SYT12: variants seen among roughly 807,000 people sequenced by gnomAD.
The protein encoded by SYT12 is synaptotagmin 12.
A neutral mutation model predicts 39.5 loss-of-function variants in SYT12; 27 were observed. The ratio of observed to expected loss-of-function variants is 0.68; its 90% CI spans 0.50 to 0.94. The LOEUF (loss-of-function observed/expected upper bound fraction) is 0.94, where lower values mean the gene tolerates loss of function less well. SYT12 is among the 40% of genes least tolerant of loss of function. The pLI, the probability that SYT12 is intolerant of heterozygous loss-of-function variation, is 0.00. For missense variants in SYT12, 536 were observed against 572.6 expected (o/e 0.94, Z 0.65); for synonymous variants, 233 against 239.7 (o/e 0.97, Z 0.26).
Position 67,023,706 on chromosome 11 carries a change from C to A in SYT12, c.-24+246C>A, listed in dbSNP as rs970852555. Among the ~76,000 whole-genome samples the A allele has an allele frequency of 3.3e-5, 5 of 152,350 alleles. No homozygotes were observed. The South Asian group carries it at 1.0e-3, about 32-fold the overall frequency. On this transcript the variant is annotated intron_variant, in intron 1 of 7. Transcript: ENST00000527043. ...CGCACGCCCCGCATGTGCACACACG[C>A]GGCTCACCCGGCCATTTACACGCCT...
At chr11:67,021,993 A>T, upstream of SYT12, 1 of 146,906 alleles carries the variant, frequency 6.8e-6, no homozygotes, top group Non-Finnish European at 1.5e-5. Context: ...ATCTCACTGC[A>T]AGCTCCGCCT....
In SYT12 at chr11:67,039,825, G is replaced by C; in HGVS notation, c.243G>C (p.Trp81Cys). ...AEAREKRVPA[W>C]NAQRASTRGP... is the part of the protein sequence containing the mutation. ...CTCACCCCTAGAGAGTGCCTGCCTGGAATGCCCAGCGGGCCAGCACGCGGG... is the reference window on the plus strand; with the variant it reads ...CTCACCCCTAGAGAGTGCCTGCCTGCAATGCCCAGCGGGCCAGCACGCGGG... Residue 81 changes from tryptophan (W) to cysteine (C), a missense_variant, in exon 4 of 8, where the codon TGG becomes TGC. Physicochemically the swap from Trp to Cys is radical, Grantham distance 215. Coordinates refer to ENST00000527043, the MANE Select transcript of SYT12 (RefSeq NM_177963.4). The C allele has an allele frequency of 6.2e-7, 1 of 1,610,838 alleles. No individual in the cohort carries two copies. Among genetic ancestry groups the C allele is most frequent in the Non-Finnish European group, 8.5e-7 (1 of 1,179,410 alleles).
At chr11:67,019,555 C>T (rs375310190), upstream of SYT12, among the ~76,000 whole-genome samples, 5 of 152,018 alleles carry the variant, frequency 3.3e-5, no homozygotes, top group East Asian at 7.7e-4. Context: ...ATTCAATTAT[C>T]TCCCACTGGG....
chr11:67,040,635 C>A (rs907340961), intron 4 of SYT12, among the ~76,000 whole-genome samples: 4 of 150,138 alleles, frequency 2.7e-5, no homozygotes, highest in African/African-American at 7.4e-5. Context: ...GTCAGGAGAT[C>A]GAGACCATCC....
intron 1 of SYT12, chr11:67,028,730 G>A (rs1950215386): frequency 6.6e-6 from 1 of 152,228 alleles, no homozygotes; most frequent in South Asian, 2.1e-4. Flanking sequence ...AATGGTGTTT[G>A]CATTTTTTTG....
At position 67,048,595 on chromosome 11, in the gene SYT12, C is replaced by G. The variant is rs762974825; in HGVS notation, c.1104C>G (p.Leu368=). 6 of 1,601,412 alleles carry G rather than the reference C, an allele frequency of 3.7e-6. No homozygotes were observed. The Admixed American group carries it at 1.0e-4, about 27-fold the overall frequency. ...TGCCTCTTCCTCAGGACCTGTCTCT[C>G]CGCGTGACGGTGGCTGAGAGCAGCA... The part of the protein sequence containing the change: ...VPAIVLQDLS[L]RVTVAESSSD... The change falls in exon 8 of 8, where the codon CTC becomes CTG. Residue 368 remains leucine (L), a synonymous_variant. Coordinates refer to ENST00000527043, the MANE Select transcript of SYT12 (RefSeq NM_177963.4).
chr11:67,011,016 A>G (rs1264392714), intron 3 of SYT12: 1 of 152,168 alleles, frequency 6.6e-6, no homozygotes, highest in Admixed American at 6.5e-5. Context: ...TCTTTATCAC[A>G]CTATATTCAG....
chr11:67,048,664 G>T lies in SYT12; in HGVS notation c.1173G>T (p.Pro391=). ...GDNVGHVIIG[P]SASGMGTTHW... is the part of the protein sequence containing the mutation. ...ACGTGGGCCATGTCATCATTGGGCC[G>T]TCAGCCAGTGGCATGGGAACCACAC... Residue 391 remains proline, a synonymous_variant, in exon 8 of 8, where the codon CCG becomes CCT. Coordinates refer to ENST00000527043, the MANE Select transcript of SYT12 (RefSeq NM_177963.4). 2 of 1,612,840 alleles carry T rather than the reference G, an allele frequency of 1.2e-6. No individual in the cohort carries two copies. Among genetic ancestry groups the T allele is most frequent in the East Asian group, 4.5e-5 (2 of 44,844 alleles).
At chr11:67,046,888 G>T (rs1253713528) in intron 7 of SYT12, among the ~76,000 whole-genome samples, 1 of 151,588 alleles carries the variant, frequency 6.6e-6, no homozygotes, top group African/African-American at 2.4e-5. Context: ...GCAACCTCTA[G>T]CATGTTCTGA....
chr11:67,011,248 C>CT (rs1459877408), intron 3 of SYT12, among the ~76,000 whole-genome samples: 2 of 152,006 alleles, frequency 1.3e-5, no homozygotes, highest in African/African-American at 4.8e-5. Flanking sequence ...ACTTTCTTTT[C>CT]TTTTTTGTTT....
intron 3 of SYT12, among the ~76,000 whole-genome samples, chr11:67,017,648 C>T (rs940234823): frequency 2.0e-5 from 3 of 150,828 alleles, no homozygotes; most frequent in Admixed American, 6.6e-5. Flanking sequence ...GAGTGAGCCA[C>T]CTCGCCCAGC....
intron 3 of SYT12, 95 bp from the exon 4 acceptor site, chr11:67,039,716 G>A (rs535986407): frequency 2.1e-5 from 30 of 1,430,698 alleles, no homozygotes; most frequent in South Asian, 4.3e-5. Context: ...TTGGAGATTC[G>A]AGAATGAACA....
intron 3 of SYT12, among the ~76,000 whole-genome samples, chr11:67,015,288 A>G (rs956083761): frequency 2.6e-5 from 4 of 152,216 alleles, no homozygotes; most frequent in African/African-American, 7.2e-5. Context: ...GCCAAGGCCA[A>G]TGCTGGGAGA....
chr11:67,028,748 G>A (rs1368114551), intron 1 of SYT12: 1 of 152,144 alleles, frequency 6.6e-6, no homozygotes, highest in Non-Finnish European at 1.5e-5. Flanking sequence ...TTGCAAATTG[G>A]TTGCTACCTT....
chr11:67,042,572 G>A (rs964886303), intron 4 of SYT12, among the ~76,000 whole-genome samples: 21 of 152,164 alleles, frequency 1.4e-4, no homozygotes, highest in African/African-American at 4.8e-4. Flanking sequence ...TCAAACCCAG[G>A]GTTCCATCCT....
chr11:67,009,239 T>C (rs1949994412), intron 1 of SYT12, among the ~76,000 whole-genome samples: 4 of 151,598 alleles, frequency 2.6e-5, no homozygotes, highest in African/African-American at 9.7e-5. Flanking sequence ...CTCCTGCGCT[T>C]AAGTGATCCC....
At chr11:67,021,806 T>TCAGGGCCCATTACC (rs1295546507), upstream of SYT12, 1 of 152,188 alleles carries the variant, frequency 6.6e-6, no homozygotes, top group African/African-American at 2.4e-5. Flanking sequence ...CAGTGAAAGC[T>TCAGGGCCCATTACC]CAGGGCCCAT....
chr11:67,009,303 G>A (rs1286178921), intron 1 of SYT12, among the ~76,000 whole-genome samples: 2 of 152,084 alleles, frequency 1.3e-5, no homozygotes, highest in African/African-American at 4.8e-5. Flanking sequence ...ACTGTGCCCC[G>A]ACCTTGATTG....
At chr11:67,020,371 G>C (rs998961612), upstream of SYT12, among the ~76,000 whole-genome samples, 1 of 152,182 alleles carries the variant, frequency 6.6e-6, no homozygotes, top group African/African-American at 2.4e-5. Context: ...AGCAGGGTCT[G>C]TAGGCCCCAG....
Sources: allele counts gnomAD v4.1 joint callset (sites outside exome capture counted in the v4.1 genomes callset), GRCh38; gene constraint gnomAD v4.1.1; transcripts MANE v1.5; gene names NCBI Gene and HGNC (gene_info 2026-07-23, HGNC 2026-07-21).